IFT46: variants seen among roughly 807,000 people sequenced by gnomAD.
IFT46 encodes the protein intraflagellar transport protein 46 homolog.
IFT46 carries 19 observed loss-of-function variants against 39.6 expected under a neutral mutation model. The observed-to-expected ratio is 0.48, with a 90% CI of 0.33 to 0.70. The LOEUF is 0.70. Among genes scored for constraint, IFT46 ranks in the 30% least tolerant of loss-of-function variants. The pLI, the probability that IFT46 is intolerant of heterozygous loss-of-function variation, is 0.01. For synonymous variants in IFT46, 117 were observed against 134.8 expected, an observed-to-expected ratio of 0.87 and a Z score of 0.91; for missense variants, 334 against 364.8, an observed-to-expected ratio of 0.92 and a Z score of 0.69.
At chr11:118,559,026 C>T (rs1053968628) in intron 3 of IFT46, among the ~76,000 whole-genome samples, 39 of 151,184 alleles carry the variant, frequency 2.6e-4, no homozygotes, top group Admixed American at 1.6e-3. Context: ...GCCACCACGC[C>T]CAGCTAATTT....
chr11:118,570,261 C>T (rs1355254315), upstream of IFT46, among the ~76,000 whole-genome samples: 2 of 151,406 alleles, frequency 1.3e-5, no homozygotes, highest in Non-Finnish European at 2.9e-5. Flanking sequence ...GGGGTTTCAC[C>T]ATGTTGGCCA....
At chr11:118,552,610 T>C (rs1301507199) in intron 7 of IFT46, among the ~76,000 whole-genome samples, 1 of 151,826 alleles carries the variant, frequency 6.6e-6, no homozygotes, top group African/African-American at 2.4e-5. Flanking sequence ...CTGGGCAACA[T>C]AGTGAGACCT....
chr11:118,572,240 G>A (rs1239277625), intron 1 of IFT46: 2 of 421,326 alleles, frequency 4.7e-6, no homozygotes, highest in Non-Finnish European at 8.5e-6. Context: ...GACAGTGAAA[G>A]GGGAGAGATA....
rs782185150 is a variant in IFT46, at chr11:118,554,590, G to A, written c.355-3C>T. The stretch of plus-strand genomic sequence containing the variant: ...GGCTTTCCATCAGGACGTGGGACCT[G>A]GTTAAGAAAAAGGTAAGAAAGCAGA... On this transcript the variant is annotated splice_polypyrimidine_tract_variant and splice_region_variant and intron_variant, in intron 6 of 11. Coordinates refer to ENST00000264021, the MANE Select transcript of IFT46 (RefSeq NM_001168618.2). The A allele has an allele frequency of 6.3e-6, 10 of 1,586,072 alleles. No homozygotes were observed. Among genetic ancestry groups the A allele is most frequent in the Admixed American group, 2.0e-5 (1 of 50,844 alleles).
At chr11:118,569,638 G>A (rs550753715), upstream of IFT46, among the ~76,000 whole-genome samples, 34 of 152,136 alleles carry the variant, frequency 2.2e-4, no homozygotes, top group African/African-American at 6.3e-4. Flanking sequence ...TTGAATCCTC[G>A]CTTACCTACT....
intron 9 of IFT46, chr11:118,546,357 G>A (rs1395378704): frequency 3.6e-6 from 2 of 558,830 alleles, no homozygotes; most frequent in African/African-American, 3.8e-5. Flanking sequence ...CGGGTGTGGT[G>A]TTGAGTATCT....
intron 2 of IFT46, chr11:118,561,447 A>C: frequency 1.3e-6 from 1 of 795,632 alleles, no homozygotes; most frequent in Admixed American, 2.0e-5. Context: ...CCAGTCTATG[A>C]AAAGAGGCCC....
intron 2 of IFT46, among the ~76,000 whole-genome samples, chr11:118,564,467 T>C (rs1375904946): frequency 6.6e-6 from 1 of 152,078 alleles, no homozygotes; most frequent in Non-Finnish European, 1.5e-5. Flanking sequence ...TCCCAGCACT[T>C]TGGGAGGCCA....
chr11:118,565,242 C>T (rs1361174078), intron 1 of IFT46, among the ~76,000 whole-genome samples, 181 bp from the exon 2 acceptor site: 1 of 151,990 alleles, frequency 6.6e-6, no homozygotes, highest in African/African-American at 2.4e-5. Context: ...GCAGTTAAGT[C>T]ATTCTGTTGC....
intron 3 of IFT46, chr11:118,558,030 G>A: frequency 2.4e-6 from 2 of 827,706 alleles, no homozygotes; most frequent in Non-Finnish European, 3.6e-6. Flanking sequence ...AGCAGCTATT[G>A]GCACACAAAA....
chr11:118,561,383 C>T (rs782778835), intron 2 of IFT46: 45 of 842,506 alleles, frequency 5.3e-5, no homozygotes, highest in Non-Finnish European at 9.1e-5. Flanking sequence ...GAGCGTAACT[C>T]CAGACATGAT....
At chr11:118,573,480 C>G (rs948918084), upstream of IFT46, 1 of 492,170 alleles carries the variant, frequency 2.0e-6, no homozygotes, top group Non-Finnish European at 3.6e-6. Flanking sequence ...TCCTTTATCG[C>G]TGTGATTTGT....
intron 11 of IFT46, 40 bp from the exon 12 acceptor site, chr11:118,545,051 A>G (rs1310271887): frequency 1.5e-6 from 2 of 1,298,544 alleles, no homozygotes; most frequent in Admixed American, 1.8e-5. Flanking sequence ...TATTAGGGAT[A>G]TGCTAATTGC....
At chr11:118,572,089 C>CAAAA (rs782363912) in intron 1 of IFT46, among the ~76,000 whole-genome samples, 1 of 95,012 alleles carries the variant, frequency 1.1e-5, no homozygotes. Context: ...GACTCCATCT[C>CAAAA]AAAAAAAAAA....
At chr11:118,569,088 C>A (rs1157708270), upstream of IFT46, among the ~76,000 whole-genome samples, 2 of 151,470 alleles carry the variant, frequency 1.3e-5, no homozygotes, top group Admixed American at 6.6e-5. Context: ...CAAGACCAGC[C>A]TGGCCATGGT....
intron 9 of IFT46, among the ~76,000 whole-genome samples, chr11:118,548,316 T>C (rs1414610401): frequency 1.3e-5 from 2 of 151,362 alleles, no homozygotes; most frequent in Non-Finnish European, 2.9e-5. Context: ...TATTGGTATG[T>C]AGAACCTTTC....
Position 118,554,584 on chromosome 11 carries a change from G to A in IFT46, c.358C>T (p.Pro120Ser), listed in dbSNP as rs1555069077. ...TTGTCAGGCTTTCCATCAGGACGTGGGACCTGGTTAAGAAAAAGGTAAGAA... is the reference window on the plus strand; with the variant it reads ...TTGTCAGGCTTTCCATCAGGACGTGAGACCTGGTTAAGAAAAAGGTAAGAA... ...VGDIDAFLKV[P>S]RPDGKPDNLG... The change falls in exon 7 of 12, where the codon CCA becomes TCA. Residue 120 changes from proline to serine, a missense_variant. By Grantham distance (74) the Pro-to-Ser change is moderately conservative. Coordinates refer to ENST00000264021, the MANE Select transcript of IFT46 (RefSeq NM_001168618.2). The A allele has an allele frequency of 6.3e-7, 1 of 1,590,910 alleles. No homozygotes were observed.
At chr11:118,551,911 T>C (rs1479051033) in intron 8 of IFT46, 59 bp from the exon 9 acceptor site, 6 of 1,464,972 alleles carry the variant, frequency 4.1e-6, no homozygotes, top group African/African-American at 2.8e-5. Context: ...CAGCAACCTC[T>C]GGATCAGCAT....
Position 118,555,244 on chromosome 11 carries a change from T to C in IFT46, c.260+4A>G. On this transcript the variant is annotated splice_donor_region_variant and intron_variant, in intron 5 of 11. Coordinates refer to ENST00000264021, the MANE Select transcript of IFT46 (RefSeq NM_001168618.2). ...GGGGTATGGTGGGAGGTCCTAGTAC[T>C]CACCTACTGATGTACTGGAAGAGTT... The C allele has an allele frequency of 6.2e-7, 1 of 1,610,086 alleles. No homozygotes were observed. The highest frequency in any genetic ancestry group is 8.5e-7 in the Non-Finnish European group (1 of 1,176,296).
Sources: allele counts gnomAD v4.1 joint callset (sites outside exome capture counted in the v4.1 genomes callset), GRCh38; gene constraint gnomAD v4.1.1; transcripts MANE v1.5; gene names NCBI Gene and HGNC (gene_info 2026-07-23, HGNC 2026-07-21).